DARS1: variants seen among roughly 807,000 people sequenced by gnomAD.
The protein encoded by DARS1 is aspartyl-tRNA synthetase 1.
DARS1 carries 51 observed loss-of-function variants against 68.8 expected under a neutral mutation model. The ratio of observed to expected loss-of-function variants is 0.74; its 90% CI spans 0.59 to 0.94. The LOEUF (loss-of-function observed/expected upper bound fraction) is 0.94, where lower values mean the gene tolerates loss of function less well. Among genes scored for constraint, DARS1 ranks in the 40% least tolerant of loss-of-function variants. The pLI, the probability that DARS1 is intolerant of heterozygous loss-of-function variation, is 0.00. For synonymous variants in DARS1, 203 were observed against 190.4 expected (o/e 1.07, Z -0.55); for missense variants, 607 against 597.3 (o/e 1.02, Z -0.17).
intron 3 of DARS1, among the ~76,000 whole-genome samples, chr2:135,967,506 T>C (rs1031117721): frequency 6.6e-6 from 1 of 152,190 alleles, no homozygotes; most frequent in African/African-American, 2.4e-5. Context: ...TTTAAGCATA[T>C]CATTAAGGTA....
At chr2:135,956,421 C>T (rs542454761) in intron 4 of DARS1, among the ~76,000 whole-genome samples, 2 of 152,250 alleles carry the variant, frequency 1.3e-5, no homozygotes, top group South Asian at 4.2e-4. Flanking sequence ...CGAGGGTGAT[C>T]AGACATCACC....
intron 3 of DARS1, among the ~76,000 whole-genome samples, chr2:135,963,994 T>C (rs545471221): frequency 6.6e-6 from 1 of 152,348 alleles, no homozygotes; most frequent in South Asian, 2.1e-4. Flanking sequence ...ATGACTATTA[T>C]TAGTAACACC....
chr2:135,983,040 T>C (rs186950813), intron 2 of DARS1, among the ~76,000 whole-genome samples: 3 of 152,190 alleles, frequency 2.0e-5, no homozygotes, highest in African/African-American at 7.2e-5. Flanking sequence ...GTAGCTTTAT[T>C]AAAGCATGCA....
intron 4 of DARS1, among the ~76,000 whole-genome samples, chr2:135,955,951 G>A (rs889430021): frequency 3.3e-5 from 5 of 151,898 alleles, no homozygotes; most frequent in Admixed American, 6.6e-5. Context: ...GAGCCACCAC[G>A]CCCAGCCATA....
intron 10 of DARS1, among the ~76,000 whole-genome samples, chr2:135,920,197 A>T (rs1681085997): frequency 1.3e-5 from 2 of 152,182 alleles, no homozygotes; most frequent in Admixed American, 6.5e-5. Context: ...AACAAAATAC[A>T]GTTGGACTGT....
At chr2:135,908,497 C>T (rs1017816136) in intron 15 of DARS1, among the ~76,000 whole-genome samples, 1 of 152,186 alleles carries the variant, frequency 6.6e-6, no homozygotes, top group Non-Finnish European at 1.5e-5. Flanking sequence ...ATACTGTCTT[C>T]CACAATGGTT....
At chr2:135,976,782 CAAAAAA>C (rs10598545) in intron 3 of DARS1, among the ~76,000 whole-genome samples, 1 of 104,532 alleles carries the variant, frequency 9.6e-6, no homozygotes, top group Non-Finnish European at 2.2e-5. Context: ...GCAAATATTC[CAAAAAA>C]AAAAAAAAAA....
intron 7 of DARS1, 140 bp from the exon 8 acceptor site, chr2:135,924,638 G>T: frequency 7.7e-7 from 1 of 1,304,840 alleles, no homozygotes; most frequent in Non-Finnish European, 1.0e-6. Flanking sequence ...AAGACGAAAG[G>T]ACACGAATAA....
At chr2:135,976,782 C>CAAAAAAA (rs10598545) in intron 3 of DARS1, among the ~76,000 whole-genome samples, 1 of 104,532 alleles carries the variant, frequency 9.6e-6, no homozygotes, top group Non-Finnish European at 2.2e-5. Context: ...GCAAATATTC[C>CAAAAAAA]AAAAAAAAAA....
At chr2:135,967,330 T>G (rs927392827) in intron 3 of DARS1, among the ~76,000 whole-genome samples, 1 of 152,232 alleles carries the variant, frequency 6.6e-6, no homozygotes, top group Admixed American at 6.5e-5. Context: ...TGAAGTTATT[T>G]TGGAAGTGTA....
intron 10 of DARS1, among the ~76,000 whole-genome samples, chr2:135,917,637 C>T (rs1030849877): frequency 3.3e-5 from 5 of 151,804 alleles, no homozygotes; most frequent in Admixed American, 1.3e-4. Flanking sequence ...CCACTATGAC[C>T]GGCTAATTTT....
At chr2:135,923,286 A>T (rs1681144009) in intron 8 of DARS1, among the ~76,000 whole-genome samples, 1 of 151,956 alleles carries the variant, frequency 6.6e-6, no homozygotes, top group Non-Finnish European at 1.5e-5. Flanking sequence ...AGCTGGAATA[A>T]TCATTCTTCT....
intron 8 of DARS1, among the ~76,000 whole-genome samples, 177 bp downstream of exon 8, chr2:135,924,210 T>C (rs1027576590): frequency 4.6e-5 from 7 of 152,228 alleles, no homozygotes; most frequent in African/African-American, 1.7e-4. Context: ...AATGTACTTA[T>C]TAAGGTTGGT....
At chr2:135,941,008 A>C (rs1681583314) in intron 5 of DARS1, among the ~76,000 whole-genome samples, 1 of 152,220 alleles carries the variant, frequency 6.6e-6, no homozygotes, top group Admixed American at 6.5e-5. Context: ...ACAAAATAAA[A>C]GAGGACACAA....
At chr2:135,909,574 A>T (rs1680855498) in intron 15 of DARS1, among the ~76,000 whole-genome samples, 1 of 152,140 alleles carries the variant, frequency 6.6e-6, no homozygotes, top group Admixed American at 6.5e-5. Context: ...CAATCTTTAT[A>T]CCCTTTGACC....
At chr2:135,970,147 C>A (rs1682333540) in intron 3 of DARS1, among the ~76,000 whole-genome samples, 1 of 149,350 alleles carries the variant, frequency 6.7e-6, no homozygotes, top group Admixed American at 6.8e-5. Flanking sequence ...GAGGGTGAGG[C>A]AGGAGGATTG....
intron 3 of DARS1, among the ~76,000 whole-genome samples, chr2:135,969,012 A>G (rs1682303587): frequency 6.6e-6 from 1 of 152,110 alleles, no homozygotes; most frequent in African/African-American, 2.4e-5. Context: ...CCATGGCAGC[A>G]AGGATGTGGA....
chr2:135,961,743 C>G lies in DARS1; in HGVS notation c.218-245G>C, dbSNP rs74771413. On this transcript the variant is annotated intron_variant, in intron 3 of 15. Coordinates refer to ENST00000264161, the MANE Select transcript of DARS1 (RefSeq NM_001349.4). Reference sequence around the variant, plus strand: ...ATGCTTTCAACTTGTTATAAGAACACAGGCAAATCACCAATTTCAAAAAAA... The same window carrying G: ...ATGCTTTCAACTTGTTATAAGAACAGAGGCAAATCACCAATTTCAAAAAAA... 7.7e-3 allele frequency among the ~76,000 whole-genome samples: 1,169 copies of G among 152,286 alleles called. 98 individuals are homozygous for G. The East Asian group carries it at 0.2, about 25-fold the overall frequency.
intron 5 of DARS1, among the ~76,000 whole-genome samples, chr2:135,942,377 CA>C: frequency 6.6e-6 from 1 of 151,758 alleles, no homozygotes; most frequent in South Asian, 2.1e-4. Context: ...AGCTGGAAAC[CA>C]TCATTCTCAG....
Sources: gnomAD v4.1 joint callset for allele counts (sites outside exome capture counted in the v4.1 genomes callset) on GRCh38, gnomAD v4.1.1 for gene constraint, MANE v1.5 for transcripts, NCBI Gene and HGNC (gene_info 2026-07-23, HGNC 2026-07-21) for gene names.